The following CUBN variants were observed in gnomAD, a reference collection of about 807,000 sequenced individuals.
The protein encoded by CUBN is 460 kDa receptor.
In CUBN, 282 loss-of-function variants were observed where a neutral mutation model predicts 405.3. The observed-to-expected ratio is 0.70, with a 90% CI of 0.63 to 0.77. The LOEUF (loss-of-function observed/expected upper bound fraction) is 0.77, where lower values mean the gene tolerates loss of function less well. CUBN is among the 30% of genes least tolerant of loss of function. CUBN has a pLI of 0.00. For synonymous variants in CUBN, 1,684 were observed against 1,617.0 expected (o/e 1.04, Z -0.99); for missense variants, 4,514 against 4,475.2 (o/e 1.01, Z -0.25).
At position 17,041,195 on chromosome 10, in the gene CUBN, A is replaced by T; in HGVS notation, c.3855T>A (p.Asn1285Lys). The stretch of plus-strand genomic sequence containing the variant: ...TACTCTCTAAGATGCCATAGGTTTG[A>T]TTGACTATTACCACATTCTCACATG... Reference protein sequence around the residue: ...RQTCENVVIVNQTYGILESIG... With the variant: ...RQTCENVVIVKQTYGILESIG... The change falls in exon 27 of 67, where the codon AAT becomes AAA. Residue 1285 changes from asparagine to lysine, a missense_variant. By Grantham distance (94) the Asn-to-Lys change is moderately conservative. Around this residue, in one of 5 missense-constraint regions of CUBN, gnomAD observed 242 missense variants for 309.0 expected, o/e 0.78. Transcript: ENST00000377833. 4 of 1,613,722 alleles carry T rather than the reference A, an allele frequency of 2.5e-6. No individual in the cohort carries two copies. The highest frequency in any genetic ancestry group is 3.4e-6 in the Non-Finnish European group (4 of 1,179,668).
intron 37 of CUBN, among the ~76,000 whole-genome samples, chr10:16,939,534 A>G (rs575588381): frequency 2.8e-4 from 42 of 152,386 alleles, no homozygotes; most frequent in African/African-American, 9.6e-4. Flanking sequence ...TTGAAATTAC[A>G]TATGAAATAG....
intron 31 of CUBN, among the ~76,000 whole-genome samples, chr10:16,976,137 A>G (rs1833085851): frequency 6.6e-6 from 1 of 151,530 alleles, no homozygotes; most frequent in African/African-American, 2.4e-5. Context: ...TGCTTGGCTA[A>G]TTTTTTAACT....
rs1291956678 is a variant in CUBN, at chr10:16,990,460, G to A, written c.4224C>T (p.Pro1408=). Residue 1408 remains proline, a synonymous_variant, in exon 29 of 67, where the codon CCC becomes CCT. Transcript: ENST00000377833. ...ATGSFSSPGF[P]NRYPPNKECI... is the part of the protein sequence containing the mutation. ...ACTCCTTGTTTGGTGGATACCTGTTGGGGAACCCGGGGCTGCTGAAGGAGC... is the reference window on the plus strand; with the variant it reads ...ACTCCTTGTTTGGTGGATACCTGTTAGGGAACCCGGGGCTGCTGAAGGAGC... 3 of 1,614,140 alleles carry A rather than the reference G, an allele frequency of 1.9e-6. No individual in the cohort carries two copies. The highest frequency in any genetic ancestry group is 1.7e-5 in the Admixed American group (1 of 60,024).
Position 16,954,381 on chromosome 10 carries a change from G to A in CUBN, c.4855+8C>T. 1 of 1,614,060 alleles carries A rather than the reference G, an allele frequency of 6.2e-7. No homozygotes were observed. On this transcript the variant is annotated splice_region_variant and intron_variant, in intron 32 of 66. Transcript: ENST00000377833. ...TCTTGTGCCTGGGAAGATCCACAGG[G>A]TACTTGCCTTGCCTGAATTGAGCTC...
chr10:16,845,444 G>A (rs954269502), intron 60 of CUBN, among the ~76,000 whole-genome samples: 1 of 152,166 alleles, frequency 6.6e-6, no homozygotes, highest in African/African-American at 2.4e-5. Flanking sequence ...GCATAATTTA[G>A]TATGGGAAGA....
chr10:17,049,519 G>T (rs1835214017), intron 22 of CUBN, among the ~76,000 whole-genome samples: 1 of 152,094 alleles, frequency 6.6e-6, no homozygotes, highest in Non-Finnish European at 1.5e-5. Flanking sequence ...AATAATGATG[G>T]GTAGTTTCCC....
At chr10:16,891,897 A>G (rs1246649464) in intron 54 of CUBN, among the ~76,000 whole-genome samples, 1 of 152,076 alleles carries the variant, frequency 6.6e-6, no homozygotes. Flanking sequence ...AATCTGCAAT[A>G]CCCAATATGC....
chr10:17,039,208 C>T (rs74480305), intron 27 of CUBN, among the ~76,000 whole-genome samples: 3 of 152,140 alleles, frequency 2.0e-5, no homozygotes, highest in Non-Finnish European at 2.9e-5. Flanking sequence ...GTGCAACGCT[C>T]GGCAAGATCA....
rs1836089840 is a variant in CUBN at position 17,085,643 on chromosome 10, G to A, written c.2064C>T (p.Ser688=). 2 of 1,613,948 alleles carry A rather than the reference G, an allele frequency of 1.2e-6. No individual in the cohort carries two copies. The highest frequency in any genetic ancestry group is 1.7e-5 in the Admixed American group (1 of 59,994). The part of the protein sequence containing the change: ...PFARIHFHSD[S]QISDQGFHIT... ...TATGGAAGCCTTGGTCACTAATCTG[G>A]GAGTCTGAATGGAAGTGAATTCTGG... Residue 688 remains serine, a synonymous_variant, in exon 16 of 67, where the codon TCC becomes TCT. Coordinates refer to ENST00000377833, the MANE Select transcript of CUBN (RefSeq NM_001081.4).
chr10:17,013,775 C>T (rs1372849992), intron 28 of CUBN, among the ~76,000 whole-genome samples: 3 of 152,168 alleles, frequency 2.0e-5, no homozygotes, highest in Non-Finnish European at 4.4e-5. Context: ...TTGCTGGTCC[C>T]TGGGGGAAGA....
chr10:17,029,365 T>C (rs1184501249), intron 27 of CUBN, among the ~76,000 whole-genome samples: 1 of 152,202 alleles, frequency 6.6e-6, no homozygotes. Context: ...TTTTTATAAC[T>C]AAAAAATCAC....
At chr10:16,947,205 T>C (rs1398875459) in intron 36 of CUBN, 30 bp downstream of exon 36, 3 of 1,612,506 alleles carry the variant, frequency 1.9e-6, no homozygotes, top group African/African-American at 2.7e-5. Flanking sequence ...TCATTAGCAC[T>C]GAAACAATAC....
chr10:16,890,503 C>T lies in CUBN; in HGVS notation c.8623G>A (p.Asp2875Asn). Residue 2875 changes from aspartate to asparagine, a missense_variant, in exon 55 of 67, where the codon GAC (aspartate) becomes AAC (asparagine). Asp to Asn is a conservative substitution (Grantham distance 23). Coordinates refer to ENST00000377833, the MANE Select transcript of CUBN (RefSeq NM_001081.4). ...VKVWAGTEEV[D>N]KALLATGCGN... ...CAGCCAGTGGCTAGCAGGGCTTTGT[C>T]CACCTCCTCAGTTCCTGCCCACACC... The T allele has an allele frequency of 1.9e-6, 3 of 1,614,158 alleles. No homozygotes were observed. Among genetic ancestry groups the T allele is most frequent in the Non-Finnish European group, 2.5e-6 (3 of 1,180,018 alleles).
chr10:16,976,727 T>G (rs1833109821), intron 31 of CUBN, among the ~76,000 whole-genome samples: 1 of 152,164 alleles, frequency 6.6e-6, no homozygotes, highest in Non-Finnish European at 1.5e-5. Context: ...TTAACCTCTC[T>G]TATATATTTT....
At position 16,870,147 on chromosome 10, in the gene CUBN, T is replaced by A. The variant is rs554247042; in HGVS notation, c.9237-294A>T. On this transcript the variant is annotated intron_variant, in intron 58 of 66. Transcript: ENST00000377833. ...ATTCACAGTCTAGGGCATATTAAAG[T>A]CCATCTGAGAACAACTTTTGACAAG... 3.9e-5 allele frequency among the ~76,000 whole-genome samples: 6 copies of A among 152,290 alleles called. No homozygotes were observed. In the East Asian group the frequency reaches 1.2e-3, roughly 29 times the overall value.
chr10:17,086,418 ACC>A (rs1332558334), intron 15 of CUBN, among the ~76,000 whole-genome samples: 1 of 152,216 alleles, frequency 6.6e-6, no homozygotes, highest in Non-Finnish European at 1.5e-5. Context: ...AAGAAGGAAC[ACC>A]ATTGATGCCA....
At chr10:16,961,420 T>C (rs1298326332) in intron 31 of CUBN, among the ~76,000 whole-genome samples, 1 of 152,144 alleles carries the variant, frequency 6.6e-6, no homozygotes, top group Non-Finnish European at 1.5e-5. Flanking sequence ...TAAATGTCCA[T>C]CATTTCTAAA....
At chr10:16,932,517 T>C (rs898052481) in intron 40 of CUBN, among the ~76,000 whole-genome samples, 1 of 152,176 alleles carries the variant, frequency 6.6e-6, no homozygotes, top group Non-Finnish European at 1.5e-5. Context: ...AATACAACAA[T>C]ATCACCCCTT....
At chr10:16,954,596 A>T in intron 31 of CUBN, 48 bp from the exon 32 acceptor site, 1 of 1,602,870 alleles carries the variant, frequency 6.2e-7, no homozygotes, top group Non-Finnish European at 8.5e-7. Flanking sequence ...TCACATCTAG[A>T]AGGCCTGTAT....
Sources: gnomAD v4.1 joint callset for allele counts (sites outside exome capture counted in the v4.1 genomes callset) on GRCh38, gnomAD v4.1.1 for gene constraint, gnomAD v4.1.1 regional missense constraint, MANE v1.5 for transcripts, NCBI Gene and HGNC (gene_info 2026-07-23, HGNC 2026-07-21) for gene names.